Variants in STXBP5 observed in about 807,000 individuals in gnomAD.
The protein encoded by STXBP5 is syntaxin binding protein 5, also known as syntaxin-binding protein 5.
Under a neutral mutation model 152.4 loss-of-function variants are expected in STXBP5, and 50 were observed. The ratio of observed to expected loss-of-function variants is 0.33; its 90% CI spans 0.26 to 0.42. The LOEUF is 0.42. Ranked by LOEUF, STXBP5 falls within the 10% of genes least tolerant of loss-of-function variation. The pLI is 1.00. For missense variants in STXBP5, 1,167 were observed against 1,388.6 expected, an observed-to-expected ratio of 0.84 and a Z score of 2.54; for synonymous variants, 492 against 494.7, an observed-to-expected ratio of 0.99 and a Z score of 0.07.
intron 25 of STXBP5, among the ~76,000 whole-genome samples, chr6:147,371,554 A>G (rs932697239): frequency 4.6e-5 from 7 of 152,100 alleles, no homozygotes; most frequent in Non-Finnish European, 7.4e-5. Context: ...TCCCCCTTTT[A>G]AAGTTGAAGA....
chr6:147,326,687 A>T (rs1020501555), intron 17 of STXBP5, among the ~76,000 whole-genome samples: 1 of 152,206 alleles, frequency 6.6e-6, no homozygotes, highest in African/African-American at 2.4e-5. Flanking sequence ...GGCCTCCAAG[A>T]TGTATGCTTT....
chr6:147,324,882 A>G (rs1783160089), intron 16 of STXBP5, 77 bp from the exon 17 acceptor site: 2 of 1,248,126 alleles, frequency 1.6e-6, no homozygotes, highest in Admixed American at 5.9e-5. Flanking sequence ...GTATCGTTTC[A>G]TATAAAAAGT....
chr6:147,347,417 A>G (rs1036010824), intron 21 of STXBP5, among the ~76,000 whole-genome samples: 1 of 152,194 alleles, frequency 6.6e-6, no homozygotes, highest in Non-Finnish European at 1.5e-5. Context: ...TCCACAATTA[A>G]GTACTACAGC....
At chr6:147,331,826 AAC>A (rs1554215904) in intron 18 of STXBP5, among the ~76,000 whole-genome samples, 1 of 149,464 alleles carries the variant, frequency 6.7e-6, no homozygotes. Flanking sequence ...AAAAAAAAAA[AAC>A]ACACAAAACT....
At chr6:147,259,522 A>G (rs1481383501) in intron 4 of STXBP5, among the ~76,000 whole-genome samples, 1 of 152,206 alleles carries the variant, frequency 6.6e-6, no homozygotes, top group Non-Finnish European at 1.5e-5. Context: ...AGAAAGAATG[A>G]GAATGAGTTG....
intron 21 of STXBP5, among the ~76,000 whole-genome samples, chr6:147,352,503 C>T (rs545782049): frequency 6.6e-6 from 1 of 152,252 alleles, no homozygotes; most frequent in South Asian, 2.1e-4. Flanking sequence ...CCCAACTACT[C>T]AGGAGGCTGA....
chr6:147,304,163 A>G (rs1230246080), intron 9 of STXBP5, among the ~76,000 whole-genome samples: 1 of 152,186 alleles, frequency 6.6e-6, no homozygotes, highest in Non-Finnish European at 1.5e-5. Context: ...AGTCCCTTCC[A>G]TCACAGGCCC....
At chr6:147,267,697 T>A (rs543281305) in intron 7 of STXBP5, among the ~76,000 whole-genome samples, 1 of 152,096 alleles carries the variant, frequency 6.6e-6, no homozygotes, top group Non-Finnish European at 1.5e-5. Context: ...TTGTTTTTTG[T>A]TTTTGCCCTC....
rs1218245810 is a variant in STXBP5 at position 147,315,640 on chromosome 6, T to C, written c.1528T>C (p.Cys510Arg). 3.1e-6 allele frequency: 5 copies of C among 1,613,832 alleles called. No homozygotes were observed. The Admixed American group carries it at 8.3e-5, about 27-fold the overall frequency. Residue 510 changes from cysteine to arginine, a missense_variant, in exon 15 of 28, where the codon TGT becomes CGT. Transcript: ENST00000321680. ...ATATGCCATTCAGATCATCTCCTGGTGTCCAGAAAGTAGAATGCTGTGCAT... is the reference window on the plus strand; with the variant it reads ...ATATGCCATTCAGATCATCTCCTGGCGTCCAGAAAGTAGAATGCTGTGCAT... ...DPYAIQIISWCPESRMLCIAG... is the reference protein window; with the variant it reads ...DPYAIQIISWRPESRMLCIAG...
chr6:147,363,935 C>T (rs1785179783), intron 24 of STXBP5, 66 bp from the exon 25 acceptor site: 1 of 1,510,418 alleles, frequency 6.6e-7, no homozygotes. Context: ...CCATTTTTAA[C>T]AATGATAGTG....
At chr6:147,273,869 A>G (rs113279581) in intron 7 of STXBP5, among the ~76,000 whole-genome samples, 38 of 151,888 alleles carry the variant, frequency 2.5e-4, no homozygotes, top group Middle Eastern at 3.4e-3. Context: ...GAAGAATGGC[A>G]TGAACCCGGG....
intron 2 of STXBP5, among the ~76,000 whole-genome samples, chr6:147,207,563 G>A (rs1211639110): frequency 2.6e-5 from 4 of 152,096 alleles, no homozygotes; most frequent in South Asian, 4.1e-4. Flanking sequence ...GTGTGAAGAC[G>A]GGAATGAAGT....
chr6:147,314,182 T>TACACAC lies in STXBP5; in HGVS notation c.1294-59_1294-54dup, dbSNP rs5880705. 1,455 of 945,148 alleles carry TACACAC rather than the reference T, an allele frequency of 1.5e-3. 7 individuals carry two copies. The highest frequency in any genetic ancestry group is 0.012 in the African/African-American group (715 of 61,214). 58.5% of individuals were successfully genotyped at this position (945,148 alleles called of 1,614,324 possible). ...AAAATATGTTTTTCACTGGATTATT[T>TACACAC]ACACACACACACACACACACACACA... On this transcript the variant is annotated intron_variant, in intron 12 of 27. Coordinates refer to ENST00000321680, the MANE Select transcript of STXBP5 (RefSeq NM_001127715.4).
chr6:147,353,322 G>T lies in STXBP5; in HGVS notation c.2255-1G>T. 6.4e-7 allele frequency: 1 copy of T among 1,573,836 alleles called. No individual in the cohort carries two copies. The highest frequency in any genetic ancestry group is 8.6e-7 in the Non-Finnish European group (1 of 1,158,192). ...TTTTAAAAATGTCTTTTATTTTTCAGCAAAGATGTCAAGGAAGTTAAGCTT... is the reference window on the plus strand; with the variant it reads ...TTTTAAAAATGTCTTTTATTTTTCATCAAAGATGTCAAGGAAGTTAAGCTT... On this transcript the variant is annotated splice_acceptor_variant, in intron 21 of 27. Coordinates refer to ENST00000321680, the MANE Select transcript of STXBP5 (RefSeq NM_001127715.4). LOFTEE classifies it high-confidence loss of function.
Position 147,204,790 on chromosome 6 carries a change from TA to T in STXBP5, c.150+110del. ...ATGCAAGGGAAGAGAACGCCAATAA[TA>T]ATAATAATAACTCTAATAAAAGGCT... On this transcript the variant is annotated intron_variant, in intron 1 of 27. Coordinates refer to ENST00000321680, the MANE Select transcript of STXBP5 (RefSeq NM_001127715.4). The surrounding 1 kb of genome is among the most constrained non-coding windows in gnomAD (Gnocchi z 4.3). The T allele has an allele frequency of 8.4e-7, 1 of 1,195,352 alleles. No homozygotes were observed. Among genetic ancestry groups the T allele is most frequent in the East Asian group, 3.0e-5 (1 of 33,834 alleles). 74.0% of individuals were successfully genotyped at this position (1,195,352 alleles called of 1,614,324 possible). A position where few individuals can be genotyped will look rare whatever the true frequency, so the allele number is the denominator to read the frequency against.
intron 25 of STXBP5, among the ~76,000 whole-genome samples, chr6:147,373,421 C>T (rs963736746): frequency 6.9e-6 from 1 of 144,316 alleles, no homozygotes; most frequent in Non-Finnish European, 1.5e-5. Context: ...ATCCTATTAT[C>T]AATTGATATG....
chr6:147,243,157 AC>A, intron 4 of STXBP5, among the ~76,000 whole-genome samples: 1 of 152,242 alleles, frequency 6.6e-6, no homozygotes, highest in East Asian at 1.9e-4. Flanking sequence ...CTTTGTGAAA[AC>A]TGCCAAGCTG....
intron 3 of STXBP5, 96 bp downstream of exon 3, chr6:147,235,427 A>G: frequency 1.0e-6 from 1 of 955,446 alleles, no homozygotes; most frequent in Middle Eastern, 2.2e-4. Flanking sequence ...TTATTTACAT[A>G]TTTGAACAAA....
At chr6:147,307,018 T>C (rs115035221) in intron 9 of STXBP5, among the ~76,000 whole-genome samples, 2,332 of 152,326 alleles carry the variant, frequency 0.015, 69 homozygotes, top group African/African-American at 0.054. Flanking sequence ...ATTATGGAGC[T>C]GAGTTTAACA....
Sources: gnomAD v4.1 joint callset for allele counts (sites outside exome capture counted in the v4.1 genomes callset) on GRCh38, gnomAD v4.1.1 for gene constraint, Gnocchi (gnomAD v3.1) non-coding constraint, MANE v1.5 for transcripts, NCBI Gene and HGNC (gene_info 2026-07-23, HGNC 2026-07-21) for gene names.